The following CDK13 variants were observed in gnomAD, a reference collection of about 807,000 sequenced individuals.
CDK13 encodes the protein cyclin-dependent kinase 13.
In CDK13, 40 loss-of-function variants were observed where a neutral mutation model predicts 137.6. The observed-to-expected ratio is 0.29, with a 90% CI of 0.23 to 0.38. The LOEUF is 0.38. Ranked by LOEUF, CDK13 falls within the 10% of genes least tolerant of loss-of-function variation. The pLI is 1.00. For missense variants in CDK13, 1,704 were observed against 1,951.8 expected (o/e 0.87, Z 2.39); for synonymous variants, 869 against 760.1 (o/e 1.14, Z -2.36).
At chr7:39,993,956 G>T (rs979132640) in intron 2 of CDK13, among the ~76,000 whole-genome samples, 2 of 152,090 alleles carry the variant, frequency 1.3e-5, no homozygotes, top group African/African-American at 4.8e-5. Flanking sequence ...TTTAAAATAT[G>T]TAATTAATTT....
At chr7:40,065,954 G>A (rs555543011) in intron 9 of CDK13, among the ~76,000 whole-genome samples, 3 of 152,262 alleles carry the variant, frequency 2.0e-5, no homozygotes, top group East Asian at 3.9e-4. Context: ...TTGGGAGGCC[G>A]AGGCAGGATC....
Position 40,077,058 on chromosome 7 carries a change from A to T in CDK13, c.2781-947A>T, listed in dbSNP as rs13225322. ...AGCATTTCTTCTACAAATTACCATA[A>T]CAAGGATTTACTAGTTAATGCTAAA... On this transcript the variant is annotated intron_variant, in intron 9 of 13. Transcript: ENST00000181839. 9.8e-3 allele frequency among the ~76,000 whole-genome samples: 1,486 copies of T among 152,336 alleles called. 20 individuals carry two copies. Among genetic ancestry groups the T allele is most frequent in the South Asian group, 0.019 (91 of 4,830 alleles).
chr7:39,984,680 T>A (rs1423877170), intron 1 of CDK13: 1 of 152,106 alleles, frequency 6.6e-6, no homozygotes, highest in South Asian at 2.1e-4. Context: ...ACTTAAATTA[T>A]TTTTGACTGT....
intron 7 of CDK13, among the ~76,000 whole-genome samples, chr7:40,060,111 C>G (rs1786108787): frequency 1.3e-5 from 2 of 152,080 alleles, no homozygotes; most frequent in Admixed American, 1.3e-4. Flanking sequence ...TTCTAGTTTG[C>G]TAAGGTGACT....
chr7:39,981,741 A>G (rs111486282), intron 1 of CDK13, among the ~76,000 whole-genome samples: 14 of 152,238 alleles, frequency 9.2e-5, no homozygotes, highest in African/African-American at 3.1e-4. Flanking sequence ...TATGTAGAAG[A>G]ATTCAGTTGA....
chr7:39,953,436 T>C (rs936213227), intron 1 of CDK13, among the ~76,000 whole-genome samples: 1 of 152,254 alleles, frequency 6.6e-6, no homozygotes, highest in African/African-American at 2.4e-5. Flanking sequence ...TGATGCAATT[T>C]TAAGAATGGA....
intron 1 of CDK13, among the ~76,000 whole-genome samples, chr7:39,962,071 A>G (rs1305909928): frequency 2.0e-5 from 3 of 152,306 alleles, no homozygotes; most frequent in African/African-American, 7.2e-5. Context: ...AGTCTTTGCT[A>G]TCGTGAATAG....
intron 5 of CDK13, among the ~76,000 whole-genome samples, chr7:40,013,394 A>G (rs991602908): frequency 4.6e-5 from 7 of 152,212 alleles, no homozygotes; most frequent in African/African-American, 1.7e-4. Flanking sequence ...TAAAATGGTT[A>G]AGATTATGTT....
At chr7:39,964,468 T>C (rs1267336345) in intron 1 of CDK13, among the ~76,000 whole-genome samples, 4 of 152,108 alleles carry the variant, frequency 2.6e-5, no homozygotes, top group Non-Finnish European at 5.9e-5. Context: ...AGTGGTGATA[T>C]CCCCTTTATC....
In CDK13 at chr7:40,047,878, G is replaced by GT; in HGVS notation, c.2600+2dup. ...CTCGATTGTATAGCTCAGAAGAAAG[G>GT]TAAGCATACCTTCAAATGAATATTG... On this transcript the variant is annotated splice_donor_variant, in intron 7 of 13. Coordinates refer to ENST00000181839, the MANE Select transcript of CDK13 (RefSeq NM_003718.5). LOFTEE classifies it high-confidence loss of function. 6.3e-7 allele frequency: 1 copy of GT among 1,596,780 alleles called. No homozygotes were observed. Among genetic ancestry groups the GT allele is most frequent in the Non-Finnish European group, 8.6e-7 (1 of 1,164,798 alleles).
At chr7:40,056,439 C>CTGGAAAATG (rs1786021654) in intron 7 of CDK13, among the ~76,000 whole-genome samples, 2 of 152,284 alleles carry the variant, frequency 1.3e-5, no homozygotes. Flanking sequence ...TCCCCTTTCT[C>CTGGAAAATG]TGGAAAATGA....
chr7:39,997,326 G>A (rs528520018), intron 2 of CDK13, among the ~76,000 whole-genome samples, 168 bp from the exon 3 acceptor site: 3 of 152,172 alleles, frequency 2.0e-5, no homozygotes, highest in African/African-American at 7.2e-5. Context: ...GCATTATACA[G>A]TTGAGTATAG....
At chr7:40,021,112 T>TAC (rs1415262803) in intron 5 of CDK13, among the ~76,000 whole-genome samples, 2,790 of 88,262 alleles carry the variant, frequency 0.032, 96 homozygotes, top group African/African-American at 0.13. Context: ...CGTATATATA[T>TAC]ATATATATAT....
intron 5 of CDK13, among the ~76,000 whole-genome samples, chr7:40,013,051 G>A (rs1174028781): frequency 1.3e-5 from 2 of 152,134 alleles, no homozygotes; most frequent in African/African-American, 4.8e-5. Context: ...AAAATGTGGT[G>A]TGTACCTACA....
intron 2 of CDK13, among the ~76,000 whole-genome samples, chr7:39,995,795 G>A (rs1036913398): frequency 3.3e-5 from 5 of 152,158 alleles, no homozygotes; most frequent in Admixed American, 2.6e-4. Flanking sequence ...ATCATCTGAG[G>A]TCGGGAGTAC....
intron 9 of CDK13, among the ~76,000 whole-genome samples, chr7:40,075,360 C>T (rs945374503): frequency 2.6e-5 from 4 of 151,940 alleles, no homozygotes; most frequent in Non-Finnish European, 2.9e-5. Flanking sequence ...TTCCTTGCAT[C>T]GGTATGTGTA....
Position 40,078,102 on chromosome 7 carries a change from T to C in CDK13, c.2878T>C (p.Leu960=). 6.3e-7 allele frequency: 1 copy of C among 1,584,760 alleles called. No homozygotes were observed. The highest frequency in any genetic ancestry group is 2.3e-5 in the East Asian group (1 of 43,646). Residue 960 remains leucine, a synonymous_variant, in exon 10 of 14, where the codon TTA becomes CTA. Transcript: ENST00000181839. ...MKPKKQYRRK[L]REEFVFIPAA... is the part of the protein sequence containing the mutation. ...ACCAAAGAAGCAATATCGTCGAAAG[T>C]TAAGAGAAGAATTTGTTTTGTAAGA...
At chr7:40,011,006 CAATG>C (rs375583073) in intron 5 of CDK13, among the ~76,000 whole-genome samples, 160 of 152,232 alleles carry the variant, frequency 1.1e-3, no homozygotes, top group African/African-American at 3.6e-3. Context: ...AAATTGAAGA[CAATG>C]AAAAGGCATT....
In CDK13 at chr7:39,987,726, A is replaced by C; in HGVS notation, c.1339A>C (p.Ser447Arg). 1.2e-6 allele frequency: 2 copies of C among 1,614,218 alleles called. No homozygotes were observed. The highest frequency in any genetic ancestry group is 1.7e-6 in the Non-Finnish European group (2 of 1,180,038). ...TTCTCCTAGCACACTAACTCTGAAG[A>C]GTAGCCTGGCAGCTGAATTGAACAA... is the stretch of plus-strand genomic sequence containing the variant. ...SISPSTLTLK[S>R]SLAAELNKNK... Residue 447 changes from serine (S) to arginine (R), a missense_variant, in exon 2 of 14, where the codon AGT (serine) becomes CGT (arginine). Coordinates refer to ENST00000181839, the MANE Select transcript of CDK13 (RefSeq NM_003718.5).
Sources: gnomAD v4.1 joint callset for allele counts (sites outside exome capture counted in the v4.1 genomes callset) on GRCh38, gnomAD v4.1.1 for gene constraint, MANE v1.5 for transcripts, NCBI Gene and HGNC (gene_info 2026-07-23, HGNC 2026-07-21) for gene names.